Variants in CYC1 observed in about 807,000 individuals in gnomAD.
CYC1 encodes the protein cytochrome c1, heme protein, mitochondrial.
CYC1 carries 10 observed loss-of-function variants against 33.8 expected under a neutral mutation model. The ratio of observed to expected loss-of-function variants is 0.30; its 90% CI spans 0.18 to 0.50. The LOEUF is 0.50. Ranked by LOEUF, CYC1 falls within the 20% of genes least tolerant of loss-of-function variation. CYC1 has a pLI of 0.98. For synonymous variants in CYC1, 224 were observed against 181.9 expected, an observed-to-expected ratio of 1.23 and a Z score of -1.86; for missense variants, 459 against 437.6, an observed-to-expected ratio of 1.05 and a Z score of -0.44.
rs1486996246 is a variant in CYC1 at position 144,096,483 on chromosome 8, C to T, written c.600C>T (p.Ile200=). The part of the protein sequence containing the change: ...NGALPPDLSY[I]VRARHGGEDY... Reference sequence around the variant, plus strand: ...CATTGCCCCCTGACCTCAGCTACATCGTGCGAGCTAGGTACACGGGCTGCC... The same window carrying T: ...CATTGCCCCCTGACCTCAGCTACATTGTGCGAGCTAGGTACACGGGCTGCC... Residue 200 remains isoleucine, a synonymous_variant, in exon 4 of 7, where the codon ATC becomes ATT. Transcript: ENST00000318911. The T allele has an allele frequency of 1.2e-6, 2 of 1,614,104 alleles. No homozygotes were observed. Among genetic ancestry groups the T allele is most frequent in the South Asian group, 1.1e-5 (1 of 91,076 alleles).
chr8:144,097,436 G>C lies in CYC1; in HGVS notation c.*100G>C, dbSNP rs1836188190. On this transcript the variant is annotated 3_prime_UTR_variant, in exon 7 of 7. Coordinates refer to ENST00000318911, the MANE Select transcript of CYC1 (RefSeq NM_001916.5). ...CCTCAGCTAAGCCTCTCTTCATCTG[G>C]AAGAAGAGGCAAGGGGGCAGGAGAC... 1 of 952,916 alleles carries C rather than the reference G, an allele frequency of 1.0e-6. No individual in the cohort carries two copies. Among genetic ancestry groups the C allele is most frequent in the African/African-American group, 1.6e-5 (1 of 62,042 alleles). 59.0% of individuals were successfully genotyped at this position (952,916 alleles called of 1,614,324 possible).
chr8:144,095,178 G>C lies in CYC1; in HGVS notation c.79G>C (p.Gly27Arg). The C allele has an allele frequency of 8.3e-7, 1 of 1,208,968 alleles. No individual in the cohort carries two copies. 74.9% of individuals were successfully genotyped at this position (1,208,968 alleles called of 1,614,324 possible). The change falls in exon 1 of 7, where the codon GGT (glycine) becomes CGT (arginine). Residue 27 changes from glycine to arginine, a missense_variant. Physicochemically the swap from Gly to Arg is moderately radical, Grantham distance 125. Transcript: ENST00000318911. ...GAGLPGARAR[G>R]LLCSARPGQL... is the part of the protein sequence containing the mutation. ...GGGGCTCCCGGGCGCGCGTGCCCGG[G>C]GTCTGCTGTGCAGCGCGCGTCCCGG...
At chr8:144,095,590 TC>T (rs970405936) in intron 1 of CYC1, 50 of 569,522 alleles carry the variant, frequency 8.8e-5, no homozygotes, top group African/African-American at 8.4e-4. Flanking sequence ...CCTTGGCCTG[TC>T]CCAGCACCCT....
Position 144,096,175 on chromosome 8 carries a change from C to G in CYC1, c.378C>G (p.Ser126Arg), listed in dbSNP as rs775059723. ...VYKQVCASCH[S>R]MDFVAYRHLV... is the part of the protein sequence containing the mutation. ...AGCAGGTGTGCGCCTCCTGCCACAG[C>G]ATGGACTTCGTGGCCTACCGCCACC... Residue 126 changes from serine (S) to arginine (R), a missense_variant, in exon 3 of 7, where the codon AGC becomes AGG. Coordinates refer to ENST00000318911, the MANE Select transcript of CYC1 (RefSeq NM_001916.5). 2 of 1,614,024 alleles carry G rather than the reference C, an allele frequency of 1.2e-6. No individual in the cohort carries two copies. The highest frequency in any genetic ancestry group is 4.5e-5 in the East Asian group (2 of 44,896).
Position 144,096,145 on chromosome 8 carries a change from A to G in CYC1, c.348A>G (p.Val116=), listed in dbSNP as rs757050208. Reference sequence around the variant, plus strand: ...CCAGCATCCGGAGGGGTTTCCAGGTATATAAGCAGGTGTGCGCCTCCTGCC... The same window carrying G: ...CCAGCATCCGGAGGGGTTTCCAGGTGTATAAGCAGGTGTGCGCCTCCTGCC... ...DHTSIRRGFQ[V]YKQVCASCHS... is the part of the protein sequence containing the mutation. Residue 116 remains valine, a synonymous_variant, in exon 3 of 7, where the codon GTA becomes GTG. Transcript: ENST00000318911. 3 of 1,613,604 alleles carry G rather than the reference A, an allele frequency of 1.9e-6. No individual in the cohort carries two copies. Among genetic ancestry groups the G allele is most frequent in the East Asian group, 2.2e-5 (1 of 44,880 alleles).
chr8:144,096,524 G>C, intron 4 of CYC1, 30 bp downstream of exon 4: 3 of 1,614,086 alleles, frequency 1.9e-6, no homozygotes, highest in Non-Finnish European at 2.5e-6. Flanking sequence ...GGTGGTGCTG[G>C]AGAGATGGGG....
intron 1 of CYC1, chr8:144,095,510 G>A (rs1020809250): frequency 8.7e-6 from 4 of 458,244 alleles, no homozygotes; most frequent in Non-Finnish European, 1.5e-5. Flanking sequence ...GACGGCTCTT[G>A]CGGCTGGCTG....
In CYC1 at chr8:144,097,282, G is replaced by C. The variant is rs753408469; in HGVS notation, c.924G>C (p.Arg308=). 4 of 1,614,148 alleles carry C rather than the reference G, an allele frequency of 2.5e-6. No individual in the cohort carries two copies. The Admixed American group carries it at 6.7e-5, about 27-fold the overall frequency. ...TGCCCCTGGTCTACACCATAAAGCG[G>C]CACAAGTGGTCAGTCCTGAAGAGTC... ...LLVPLVYTIK[R]HKWSVLKSRK... Residue 308 remains arginine (R), a synonymous_variant, in exon 7 of 7, where the codon CGG becomes CGC. Transcript: ENST00000318911.
chr8:144,096,468 T>C lies in CYC1; in HGVS notation c.585T>C (p.Pro195=), dbSNP rs746243222. The C allele has an allele frequency of 8.1e-6, 13 of 1,614,048 alleles. No homozygotes were observed. Among genetic ancestry groups the C allele is most frequent in the Non-Finnish European group, 1.1e-5 (13 of 1,179,988 alleles). The part of the protein sequence containing the change: ...ARAANNGALP[P]DLSYIVRARH... ...CTGCCAACAACGGAGCATTGCCCCC[T>C]GACCTCAGCTACATCGTGCGAGCTA... Residue 195 remains proline (P), a synonymous_variant, in exon 4 of 7, where the codon CCT becomes CCC. Transcript: ENST00000318911.
rs1332065865 is a variant in CYC1 at position 144,095,245 on chromosome 8, GC to G, written c.129+21del. The G allele has an allele frequency of 8.3e-7, 1 of 1,197,782 alleles. No homozygotes were observed. The highest frequency in any genetic ancestry group is 1.0e-6 in the Non-Finnish European group (1 of 966,030). 74.2% of individuals were successfully genotyped at this position (1,197,782 alleles called of 1,614,324 possible). On this transcript the variant is annotated intron_variant, in intron 1 of 6. Coordinates refer to ENST00000318911, the MANE Select transcript of CYC1 (RefSeq NM_001916.5). ...ACACCTCAGGTGAGCGCTGGGCCGG[GC>G]CCCGGCCTCCGCGCGGCCCCGCATC...
At position 144,095,974 on chromosome 8, in the gene CYC1, C is replaced by G; in HGVS notation, c.271C>G (p.Pro91Ala). The G allele has an allele frequency of 1.9e-6, 3 of 1,607,412 alleles. No individual in the cohort carries two copies. The highest frequency in any genetic ancestry group is 2.5e-6 in the Non-Finnish European group (3 of 1,179,446). ...AVSASDLELH[P>A]PSYPWSHRGL... ...GAGTGCCAGTGACCTGGAGCTGCAC[C>G]CCCCCAGCTATCCGTGGTCTCACCG... Residue 91 changes from proline (P) to alanine (A), a missense_variant, in exon 2 of 7, where the codon CCC becomes GCC. Transcript: ENST00000318911.
chr8:144,096,966 A>G (rs539876600), intron 5 of CYC1, 68 bp from the exon 6 acceptor site: 21 of 1,395,588 alleles, frequency 1.5e-5, no homozygotes, highest in Non-Finnish European at 2.1e-5. Context: ...TCTGCTTCAC[A>G]GAGGGGGGGC....
Position 144,095,875 on chromosome 8 carries a change from A to G in CYC1, c.172A>G (p.Lys58Glu). ...GAAGTCTGGCCTTTCCCGAGGCCGG[A>G]AAGTGATGCTGTCAGCGCTGGGCAT... ...SSKSGLSRGR[K>E]VMLSALGMLA... Residue 58 changes from lysine (K) to glutamate (E), a missense_variant, in exon 2 of 7, where the codon AAA becomes GAA. By Grantham distance (56) the Lys-to-Glu change is moderately conservative (BLOSUM62 1). Transcript: ENST00000318911. 3 of 1,609,064 alleles carry G rather than the reference A, an allele frequency of 1.9e-6. No individual in the cohort carries two copies. The highest frequency in any genetic ancestry group is 2.5e-6 in the Non-Finnish European group (3 of 1,179,742).
intron 1 of CYC1, 61 bp downstream of exon 1, chr8:144,095,289 G>GGGGAGGCTGCGGGCGCGGGCCT (rs1836126908): frequency 8.5e-7 from 1 of 1,182,342 alleles, no homozygotes; most frequent in Admixed American, 4.5e-5. Flanking sequence ...AGGTCACGGC[G>GGGGAGGCTGCGGGCGCGGGCCT]GGGAGGCTGC....
chr8:144,097,234 G>T lies in CYC1; in HGVS notation c.876G>T (p.Met292Ile). 1 of 1,614,156 alleles carries T rather than the reference G, an allele frequency of 6.2e-7. No homozygotes were observed. The stretch of plus-strand genomic sequence containing the variant: ...CTCTGAGCCTTCCTTGTCTGCAGAT[G>T]TTGATGATGATGGCTCTGCTGGTGC... ...HDHRKRMGLK[M>I]LMMMALLVPL... Residue 292 changes from methionine to isoleucine, a missense_variant and splice_region_variant, in exon 7 of 7, where the codon ATG becomes ATT. Physicochemically the swap from Met to Ile is conservative, Grantham distance 10 (BLOSUM62 1). Coordinates refer to ENST00000318911, the MANE Select transcript of CYC1 (RefSeq NM_001916.5).
At chr8:144,096,922 T>C (rs1165154766) in intron 5 of CYC1, 112 bp from the exon 6 acceptor site, 2 of 1,166,460 alleles carry the variant, frequency 1.7e-6, no homozygotes, top group Non-Finnish European at 2.5e-6. Context: ...CGGTGGAGGG[T>C]ACTGCCCCTT....
chr8:144,095,990 G>A lies in CYC1; in HGVS notation c.287G>A (p.Trp96Ter). Reference sequence around the variant, plus strand: ...GAGCTGCACCCCCCCAGCTATCCGTGGTCTCACCGTGGCCTCCTCTCTTCC... The same window carrying A: ...GAGCTGCACCCCCCCAGCTATCCGTAGTCTCACCGTGGCCTCCTCTCTTCC... ...DLELHPPSYP[W>*]SHRGLLSSLD... Residue 96 changes from tryptophan (W) to a stop codon, truncating the protein, a stop_gained, in exon 2 of 7, where the codon TGG (tryptophan) becomes TAG (stop). Transcript: ENST00000318911. LOFTEE classifies it high-confidence loss of function. The A allele has an allele frequency of 6.2e-7, 1 of 1,606,332 alleles. No homozygotes were observed. Among genetic ancestry groups the A allele is most frequent in the East Asian group, 2.2e-5 (1 of 44,868 alleles).
chr8:144,095,895 G>A lies in CYC1; in HGVS notation c.192G>A (p.Leu64=). The change falls in exon 2 of 7, where the codon CTG becomes CTA. Residue 64 remains leucine (L), a synonymous_variant. Coordinates refer to ENST00000318911, the MANE Select transcript of CYC1 (RefSeq NM_001916.5). ...SRGRKVMLSA[L]GMLAAGGAGL... ...GCCGGAAAGTGATGCTGTCAGCGCT[G>A]GGCATGCTGGCGGCAGGGGGTGCGG... The A allele has an allele frequency of 6.2e-7, 1 of 1,609,598 alleles. No individual in the cohort carries two copies. The highest frequency in any genetic ancestry group is 8.5e-7 in the Non-Finnish European group (1 of 1,179,898).
intron 1 of CYC1, 104 bp from the exon 2 acceptor site, chr8:144,095,729 C>T: frequency 1.6e-6 from 2 of 1,251,872 alleles, no homozygotes; most frequent in South Asian, 1.3e-5. Context: ...GTCTGGTGCC[C>T]TGCAGGAGGA....
Sources: allele counts gnomAD v4.1 joint callset, GRCh38; gene constraint gnomAD v4.1.1; transcripts MANE v1.5; gene names NCBI Gene and HGNC (gene_info 2026-07-23, HGNC 2026-07-21).